PLXDC1: variants seen among roughly 807,000 people sequenced by gnomAD.
The protein encoded by PLXDC1 is plexin domain-containing protein 1.
Under a neutral mutation model 61.3 loss-of-function variants are expected in PLXDC1, and 39 were observed. That is an observed-to-expected ratio of 0.64 (90% CI 0.49 to 0.83). PLXDC1 has a LOEUF of 0.83. Ranked by LOEUF, PLXDC1 falls within the 40% of genes least tolerant of loss-of-function variation. The pLI is 0.00. For missense variants in PLXDC1, 596 were observed against 666.5 expected (o/e 0.89, Z 1.17); for synonymous variants, 212 against 254.5 (o/e 0.83, Z 1.59).
intron 1 of PLXDC1, chr17:39,144,776 C>T (rs1175666293): frequency 1.3e-5 from 2 of 152,230 alleles, no homozygotes; most frequent in African/African-American, 4.8e-5. Flanking sequence ...TTCCGGAACA[C>T]AAGCTGTTCA....
intron 3 of PLXDC1, 28 bp downstream of exon 3, chr17:39,109,220 A>G (rs1910707699): frequency 1.3e-6 from 2 of 1,594,792 alleles, no homozygotes; most frequent in African/African-American, 1.3e-5. Flanking sequence ...CAGCACAGGG[A>G]AGCATGGCTG....
intron 12 of PLXDC1, among the ~76,000 whole-genome samples, chr17:39,070,687 A>G (rs891335912): frequency 1.7e-4 from 26 of 152,128 alleles, no homozygotes; most frequent in Admixed American, 1.4e-3. Flanking sequence ...TCTTAGAAAA[A>G]CTGGCAGGGG....
chr17:39,151,354 A>G lies in PLXDC1; in HGVS notation c.76+8T>C. 22 of 1,279,916 alleles carry G rather than the reference A, an allele frequency of 1.7e-5. No homozygotes were observed. The highest frequency in any genetic ancestry group is 2.2e-5 in the Non-Finnish European group (22 of 1,013,218). The allele number at this position is 1,279,916 out of a possible 1,614,324, so 79.3% of individuals were successfully genotyped here. A position where few individuals can be genotyped will look rare whatever the true frequency, so the allele number is the denominator to read the frequency against. The stretch of plus-strand genomic sequence containing the variant: ...CGGCCCACCCGGGCCGGCTCCCGCC[A>G]GTCCTACCTGCTCCGGGCTGGGGGC... On this transcript the variant is annotated splice_region_variant and intron_variant, in intron 1 of 13. Coordinates refer to ENST00000315392, the MANE Select transcript of PLXDC1 (RefSeq NM_020405.5). This position sits in a 1 kb window ranked among gnomAD's most constrained non-coding sequence, Gnocchi z 5.2.
rs199666120 is a variant in PLXDC1 at position 39,106,648 on chromosome 17, C to CTTTTTTTTTTTTTTT, written c.712-696_712-695insAAAAAAAAAAAAAAA. Among the ~76,000 whole-genome samples, 13 of 122,588 alleles carry CTTTTTTTTTTTTTTT rather than the reference C, an allele frequency of 1.1e-4. 1 individual carries two copies. Among genetic ancestry groups the CTTTTTTTTTTTTTTT allele is most frequent in the South Asian group, 2.6e-4 (1 of 3,888 alleles). The allele number at this position is 122,588 out of a possible 152,430, so 80.4% of individuals were successfully genotyped here. ...GCCTTCTTTTTTCTTTTTTCTTTTTCTTTCTTTTTTTTTTTTTTTGAGACA... is the reference window on the plus strand; with the variant it reads ...GCCTTCTTTTTTCTTTTTTCTTTTTCTTTTTTTTTTTTTTTTTTCTTTTTTTTTTTTTTTGAGACA... On this transcript the variant is annotated intron_variant, in intron 6 of 13. Transcript: ENST00000315392.
At chr17:39,098,389 A>G (rs7350954) in intron 7 of PLXDC1, among the ~76,000 whole-genome samples, 1,888 of 152,278 alleles carry the variant, frequency 0.012, 18 homozygotes, top group Non-Finnish European at 0.02. Context: ...ACAATAGAGC[A>G]GAGGACAAGG....
In PLXDC1 at chr17:39,142,754, G is replaced by A. The variant is rs116799454; in HGVS notation, c.77-2922C>T. On this transcript the variant is annotated intron_variant, in intron 1 of 13. Coordinates refer to ENST00000315392, the MANE Select transcript of PLXDC1 (RefSeq NM_020405.5). ...TCACCATGTTGCCTACACTGGCCTT[G>A]AACTCCTGGGCTCTAGCGGTCCTTC... Among the ~76,000 whole-genome samples the A allele has an allele frequency of 8.3e-3, 1,268 of 152,276 alleles. 23 individuals are homozygous for A. Among genetic ancestry groups the A allele is most frequent in the African/African-American group, 0.029 (1,205 of 41,554 alleles).
intron 2 of PLXDC1, among the ~76,000 whole-genome samples, chr17:39,132,645 C>T (rs1365153025): frequency 6.6e-6 from 1 of 152,154 alleles, no homozygotes; most frequent in Non-Finnish European, 1.5e-5. Context: ...GTGAGATGGC[C>T]TGGCGGGGGG....
intron 9 of PLXDC1, among the ~76,000 whole-genome samples, chr17:39,081,982 G>C (rs181749693): frequency 5.9e-5 from 9 of 152,310 alleles, no homozygotes; most frequent in Admixed American, 2.6e-4. Flanking sequence ...AAATAACAGT[G>C]TGTTTGTTCC....
intron 7 of PLXDC1, among the ~76,000 whole-genome samples, chr17:39,105,291 C>T (rs796867928): frequency 5.3e-5 from 8 of 152,182 alleles, no homozygotes; most frequent in East Asian, 1.9e-4. Flanking sequence ...CAATGGGGGT[C>T]GGGAGCAGGG....
intron 2 of PLXDC1, among the ~76,000 whole-genome samples, chr17:39,118,264 G>C (rs990332680): frequency 2.6e-5 from 4 of 151,872 alleles, no homozygotes; most frequent in African/African-American, 7.3e-5. Context: ...GAGTGCAATG[G>C]TGAGATCTGG....
At chr17:39,080,066 C>T (rs78978369) in intron 9 of PLXDC1, 4,397 of 157,492 alleles carry the variant, frequency 0.028, 196 homozygotes, top group African/African-American at 0.1. Context: ...CCTCTATGCC[C>T]ACTACTTTGG....
chr17:39,128,131 A>ATG (rs1445094092), intron 2 of PLXDC1, among the ~76,000 whole-genome samples: 2 of 107,838 alleles, frequency 1.9e-5, no homozygotes, highest in Non-Finnish European at 3.7e-5. Context: ...ATATATGTGT[A>ATG]TATATATGTA....
At chr17:39,149,120 C>T (rs1487427424) in intron 1 of PLXDC1, among the ~76,000 whole-genome samples, 1 of 152,154 alleles carries the variant, frequency 6.6e-6, no homozygotes, top group Non-Finnish European at 1.5e-5. Flanking sequence ...CTGACTCTGT[C>T]TTTGGGCCAC....
intron 1 of PLXDC1, among the ~76,000 whole-genome samples, chr17:39,142,832 T>C (rs1347555666): frequency 6.6e-6 from 1 of 152,084 alleles, no homozygotes; most frequent in Non-Finnish European, 1.5e-5. Flanking sequence ...CTGCACCAGG[T>C]CTGTTAAATT....
chr17:39,101,207 A>G (rs1372959397), intron 7 of PLXDC1, among the ~76,000 whole-genome samples: 1 of 152,274 alleles, frequency 6.6e-6, no homozygotes, highest in East Asian at 1.9e-4. Context: ...CTCGTGTAGC[A>G]GCAACATAAC....
At chr17:39,068,070 C>T in intron 13 of PLXDC1, 111 bp from the exon 14 acceptor site, 1 of 1,003,774 alleles carries the variant, frequency 1.0e-6, no homozygotes, top group Non-Finnish European at 1.5e-6. Flanking sequence ...GGCCCTGGGG[C>T]ACTTGGGCCT....
Position 39,087,688 on chromosome 17 carries a change from T to A in PLXDC1, c.826A>T (p.Ser276Cys), listed in dbSNP as rs766289644. 2.5e-6 allele frequency: 4 copies of A among 1,613,466 alleles called. No individual in the cohort carries two copies. In the East Asian group the frequency reaches 8.9e-5, roughly 36 times the overall value. The part of the protein sequence containing the change: ...SPDVPESRRR[S>C]IFEYHRIELD... ...TCTATGCGGTGATATTCAAAGATGC[T>A]CCTTCGCCGAGATTCTGAAACAGAG... The change falls in exon 8 of 14, where the codon AGC (serine) becomes TGC (cysteine). Residue 276 changes from serine (S) to cysteine (C), a missense_variant. Coordinates refer to ENST00000315392, the MANE Select transcript of PLXDC1 (RefSeq NM_020405.5).
Position 39,120,488 on chromosome 17 carries a change from G to A in PLXDC1, c.256-11097C>T, listed in dbSNP as rs576117609. On this transcript the variant is annotated intron_variant, in intron 2 of 13. Transcript: ENST00000315392. ...TAAGGCATGAGATGATGTGACTCTGGCAGATCATACGATACATGGCATGAT... is the reference window on the plus strand; with the variant it reads ...TAAGGCATGAGATGATGTGACTCTGACAGATCATACGATACATGGCATGAT... Among the ~76,000 whole-genome samples, 9 of 152,230 alleles carry A rather than the reference G, an allele frequency of 5.9e-5. No homozygotes were observed. The South Asian group carries it at 1.9e-3, about 32-fold the overall frequency.
At chr17:39,152,770 TAAA>T (rs34433195), upstream of PLXDC1, 2,552 of 637,628 alleles carry the variant, frequency 4.0e-3, no homozygotes, top group Middle Eastern at 6.7e-3. Flanking sequence ...GCACTGAGGT[TAAA>T]AAAAAAAAAA....
Sources: gnomAD v4.1 joint callset for allele counts (sites outside exome capture counted in the v4.1 genomes callset) on GRCh38, gnomAD v4.1.1 for gene constraint, Gnocchi (gnomAD v3.1) non-coding constraint, MANE v1.5 for transcripts, NCBI Gene and HGNC (gene_info 2026-07-23, HGNC 2026-07-21) for gene names.